The following SEMA3B variants were observed in gnomAD, a reference collection of about 807,000 sequenced individuals.
The protein encoded by SEMA3B is semaphorin-3B.
Under a neutral mutation model 77.8 loss-of-function variants are expected in SEMA3B, and 71 were observed. The ratio of observed to expected loss-of-function variants is 0.91; its 90% confidence interval spans 0.75 to 1.11. The LOEUF is 1.11. Among genes scored for constraint, SEMA3B ranks in the 50% most tolerant of loss-of-function variants. SEMA3B has a pLI of 0.00. For missense variants in SEMA3B, 968 were observed against 1,056.8 expected (o/e 0.92, Z 1.17); for synonymous variants, 470 against 452.9 (o/e 1.04, Z -0.48).
chr3:50,273,450 A>G lies in SEMA3B; in HGVS notation c.810+7A>G, dbSNP rs1553705774. 3.7e-6 allele frequency: 6 copies of G among 1,612,752 alleles called. No homozygotes were observed. In the South Asian group the frequency reaches 6.6e-5, roughly 18 times the overall value. On this transcript the variant is annotated splice_region_variant and intron_variant, in intron 7 of 16. Transcript: ENST00000616701. The surrounding 1 kb of genome is among the most constrained non-coding windows in gnomAD (Gnocchi z 6.5). ...CGTTGGCCAGATCTGCCGGGTGAGG[A>G]GTCCCTGGGCCACACCCGGCGACCC...
At chr3:50,272,452 T>C (rs1553705514) in intron 6 of SEMA3B, among the ~76,000 whole-genome samples, 1 of 152,116 alleles carries the variant, frequency 6.6e-6, no homozygotes, top group Admixed American at 6.6e-5. Context: ...GGTGTGCACC[T>C]GTAATCCCAG....
chr3:50,273,444 G>A lies in SEMA3B; in HGVS notation c.810+1G>A. On this transcript the variant is annotated splice_donor_variant, in intron 7 of 16. Transcript: ENST00000616701. LOFTEE classifies it high-confidence loss of function. This position sits in a 1 kb window ranked among gnomAD's most constrained non-coding sequence, Gnocchi z 6.5. ...GTCCCGCGTTGGCCAGATCTGCCGG[G>A]TGAGGAGTCCCTGGGCCACACCCGG... 6.2e-7 allele frequency: 1 copy of A among 1,613,240 alleles called. No homozygotes were observed. Among genetic ancestry groups the A allele is most frequent in the South Asian group, 1.1e-5 (1 of 91,062 alleles).
At position 50,277,271 on chromosome 3, in the gene SEMA3B, G is replaced by C. The variant is rs1701289676; in HGVS notation, c.*565G>C. On this transcript the variant is annotated 3_prime_UTR_variant, in exon 17 of 17. Coordinates refer to ENST00000616701, the MANE Select transcript of SEMA3B (RefSeq NM_001290060.2). ...CCTGGTGAGGATTAAAGGTGGTTCC[G>C]GCCAGGCGCGGTGGCTCACGCCTGT... 6.6e-6 allele frequency: 1 copy of C among 152,594 alleles called. No homozygotes were observed. The highest frequency in any genetic ancestry group is 2.4e-5 in the African/African-American group (1 of 41,416). The allele number at this position is 152,594 out of a possible 1,614,324, so 9.5% of individuals were successfully genotyped here. A position where few individuals can be genotyped will look rare whatever the true frequency, so the allele number is the denominator to read the frequency against.
chr3:50,276,794 C>T lies in SEMA3B; in HGVS notation c.*88C>T. 1 of 1,383,734 alleles carries T rather than the reference C, an allele frequency of 7.2e-7. No individual in the cohort carries two copies. The highest frequency in any genetic ancestry group is 2.8e-5 in the East Asian group (1 of 35,186). 85.7% of individuals were successfully genotyped at this position (1,383,734 alleles called of 1,614,324 possible). ...CCCTGAAAAGAAGGACGGGTTGGGG[C>T]CGGGCACATTGGGGGTCACCGGCCG... On this transcript the variant is annotated 3_prime_UTR_variant, in exon 17 of 17. Transcript: ENST00000616701. This position sits in a 1 kb window ranked among gnomAD's most constrained non-coding sequence, Gnocchi z 5.8.
At position 50,270,548 on chromosome 3, in the gene SEMA3B, G is replaced by A. The variant is rs918392992; in HGVS notation, c.330+53G>A. The A allele has an allele frequency of 3.0e-5, 49 of 1,610,320 alleles. No individual in the cohort carries two copies. Among genetic ancestry groups the A allele is most frequent in the Non-Finnish European group, 3.7e-5 (44 of 1,178,412 alleles). ...TGGGGAGGGTCAGCCCCTCACCCCA[G>A]AGACAGGGCAGGGCTAAAACAGAGG... On this transcript the variant is annotated intron_variant, in intron 3 of 16. Transcript: ENST00000616701. This position sits in a 1 kb window ranked among gnomAD's most constrained non-coding sequence, Gnocchi z 4.7.
At position 50,270,401 on chromosome 3, in the gene SEMA3B, C is replaced by A. The variant is rs782004359; in HGVS notation, c.268-32C>A. On this transcript the variant is annotated intron_variant, in intron 2 of 16. Coordinates refer to ENST00000616701, the MANE Select transcript of SEMA3B (RefSeq NM_001290060.2). The surrounding 1 kb of genome is among the most constrained non-coding windows in gnomAD (Gnocchi z 4.7). The stretch of plus-strand genomic sequence containing the variant: ...GGTAGAGAATATCCCAAGTTCCTGA[C>A]CTGTGTCCCCTCTCCCCCAACCTCC... 3.1e-6 allele frequency: 5 copies of A among 1,613,682 alleles called. No homozygotes were observed. In the East Asian group the frequency reaches 1.1e-4, roughly 36 times the overall value.
chr3:50,276,920 G>A lies in SEMA3B; in HGVS notation c.*214G>A, dbSNP rs587612604. On this transcript the variant is annotated 3_prime_UTR_variant, in exon 17 of 17. Transcript: ENST00000616701. This position sits in a 1 kb window ranked among gnomAD's most constrained non-coding sequence, Gnocchi z 5.8. The stretch of plus-strand genomic sequence containing the variant: ...GTAGCAGCCCCGGGAGGGCGGCACA[G>A]GTCGGGCGCAGGATTCAGCCGGAGG... The A allele has an allele frequency of 1.9e-6, 1 of 539,152 alleles. No homozygotes were observed. The highest frequency in any genetic ancestry group is 4.2e-5 in the Admixed American group (1 of 24,054). 33.4% of individuals were successfully genotyped at this position (539,152 alleles called of 1,614,324 possible).
At chr3:50,264,866 G>T (rs587637795), upstream of SEMA3B, among the ~76,000 whole-genome samples, 1 of 152,296 alleles carries the variant, frequency 6.6e-6, no homozygotes, top group South Asian at 2.1e-4. Context: ...GGTTGGGGGG[G>T]CTCCCGCATC....
Position 50,274,466 on chromosome 3 carries a change from C to T in SEMA3B, c.1241C>T (p.Pro414Leu), listed in dbSNP as rs1553706107. Residue 414 changes from proline to leucine, a missense_variant, in exon 11 of 17, where the codon CCC (proline) becomes CTC (leucine). Physicochemically the swap from Pro to Leu is moderately conservative, Grantham distance 98 (BLOSUM62 -3). Coordinates refer to ENST00000616701, the MANE Select transcript of SEMA3B (RefSeq NM_001290060.2). This position sits in a 1 kb window ranked among gnomAD's most constrained non-coding sequence, Gnocchi z 4.7. ...CCCCTCATGTACAACTCTGTCCTGCCCACTGGGGGGCGCCCTCTTTTCCTA... is the reference window on the plus strand; with the variant it reads ...CCCCTCATGTACAACTCTGTCCTGCTCACTGGGGGGCGCCCTCTTTTCCTA... ...NHPLMYNSVLPTGGRPLFLQV... is the reference protein window; with the variant it reads ...NHPLMYNSVLLTGGRPLFLQV... 1 of 1,549,472 alleles carries T rather than the reference C, an allele frequency of 6.5e-7. No homozygotes were observed. The highest frequency in any genetic ancestry group is 1.4e-5 in the African/African-American group (1 of 72,556).
At chr3:50,271,729 G>A (rs1013217321) in intron 6 of SEMA3B, among the ~76,000 whole-genome samples, 5 of 152,336 alleles carry the variant, frequency 3.3e-5, no homozygotes, top group Non-Finnish European at 7.3e-5. Flanking sequence ...GGGAGGAAGG[G>A]AAAAGGAGAC....
chr3:50,268,455 A>G (rs1464302074), upstream of SEMA3B, among the ~76,000 whole-genome samples: 1 of 152,230 alleles, frequency 6.6e-6, no homozygotes, highest in Non-Finnish European at 1.5e-5. Flanking sequence ...CACATATCAC[A>G]CATATGTACT....
chr3:50,269,211 G>A lies in SEMA3B; in HGVS notation c.-30G>A, dbSNP rs1028017579. 6.0e-5 allele frequency: 90 copies of A among 1,489,250 alleles called. No individual in the cohort carries two copies. Among genetic ancestry groups the A allele is most frequent in the East Asian group, 2.2e-4 (9 of 40,702 alleles). The allele number at this position is 1,489,250 out of a possible 1,614,324, so 92.3% of individuals were successfully genotyped here. On this transcript the variant is annotated 5_prime_UTR_variant, in exon 1 of 17. Transcript: ENST00000616701. The surrounding 1 kb of genome is among the most constrained non-coding windows in gnomAD (Gnocchi z 4.0). ...TCAAGGCTCCTCCACACACACACCCGCTGAACCCTGAGCACCCTGAGCTGC... is the reference window on the plus strand; with the variant it reads ...TCAAGGCTCCTCCACACACACACCCACTGAACCCTGAGCACCCTGAGCTGC...
rs782702790 is a variant in SEMA3B, at chr3:50,269,590, G to C, written c.109+241G>C. On this transcript the variant is annotated intron_variant, in intron 1 of 16. Transcript: ENST00000616701. This position sits in a 1 kb window ranked among gnomAD's most constrained non-coding sequence, Gnocchi z 4.0. ...GACCCCTCCTGTCCCCACAGCAACA[G>C]ACCTTGTCTCTGTTCCGTTCAGTAC... 1.3e-5 allele frequency among the ~76,000 whole-genome samples: 2 copies of C among 152,168 alleles called. No individual in the cohort carries two copies. The highest frequency in any genetic ancestry group is 2.4e-5 in the African/African-American group (1 of 41,432).
At chr3:50,267,949 G>T (rs1553704729), upstream of SEMA3B, among the ~76,000 whole-genome samples, 1 of 152,146 alleles carries the variant, frequency 6.6e-6, no homozygotes, top group East Asian at 1.9e-4. The surrounding 1 kb of genome is among the most constrained non-coding windows in gnomAD (Gnocchi z 5.7). Flanking sequence ...CTGCCCAGCT[G>T]ACCCCTGGGA....
rs1701046888 is a variant in SEMA3B, at chr3:50,271,363, G to A, written c.547G>A (p.Glu183Lys). The A allele has an allele frequency of 9.5e-6, 15 of 1,574,806 alleles. No homozygotes were observed. The highest frequency in any genetic ancestry group is 1.3e-5 in the Non-Finnish European group (15 of 1,160,376). Residue 183 changes from glutamate (E) to lysine (K), a missense_variant and splice_region_variant, in exon 6 of 17, where the codon GAG becomes AAG. By Grantham distance (56) the Glu-to-Lys change is moderately conservative. Transcript: ENST00000616701. ...RHRAASVLVG[E>K]ELYSGVAADL... Reference sequence around the variant, plus strand: ...AGTGGCCCTTGCTCTGTCTGCAGGGGAGGAGCTATACTCAGGGGTGGCAGC... The same window carrying A: ...AGTGGCCCTTGCTCTGTCTGCAGGGAAGGAGCTATACTCAGGGGTGGCAGC...
chr3:50,268,046 T>C (rs1700946083), upstream of SEMA3B, among the ~76,000 whole-genome samples: 1 of 151,592 alleles, frequency 6.6e-6, no homozygotes, highest in African/African-American at 2.4e-5. Flanking sequence ...GGCTCAAAGA[T>C]GGGGAAGAAC....
rs1559791144 is a variant in SEMA3B, at chr3:50,275,692, T to G, written c.1706-13T>G. The stretch of plus-strand genomic sequence containing the variant: ...CCTGCCTTGCCTAAATCTGACTTTC[T>G]TCTCGCCCCAAGACTCGTCTCGTCC... On this transcript the variant is annotated splice_polypyrimidine_tract_variant and intron_variant, in intron 15 of 16. Coordinates refer to ENST00000616701, the MANE Select transcript of SEMA3B (RefSeq NM_001290060.2). This position sits in a 1 kb window ranked among gnomAD's most constrained non-coding sequence, Gnocchi z 7.5. 1 of 1,612,194 alleles carries G rather than the reference T, an allele frequency of 6.2e-7. No individual in the cohort carries two copies. The highest frequency in any genetic ancestry group is 1.7e-5 in the Admixed American group (1 of 59,966).
chr3:50,273,862 G>C lies in SEMA3B; in HGVS notation c.992+34G>C. 8.3e-6 allele frequency: 13 copies of C among 1,566,870 alleles called. No homozygotes were observed. Among genetic ancestry groups the C allele is most frequent in the Non-Finnish European group, 1.1e-5 (13 of 1,154,274 alleles). ...CAGGAGGTAGGGAGCGCCCGGGGCG[G>C]GCCGCTGGGCTCCACCCGGCCCCTC... On this transcript the variant is annotated intron_variant, in intron 9 of 16. Transcript: ENST00000616701. The surrounding 1 kb of genome is among the most constrained non-coding windows in gnomAD (Gnocchi z 6.5).
At position 50,270,811 on chromosome 3, in the gene SEMA3B, G is replaced by T. The variant is rs1701026406; in HGVS notation, c.331-79G>T. The T allele has an allele frequency of 6.5e-7, 1 of 1,538,658 alleles. No individual in the cohort carries two copies. The highest frequency in any genetic ancestry group is 8.8e-7 in the Non-Finnish European group (1 of 1,138,280). On this transcript the variant is annotated intron_variant, in intron 3 of 16. Transcript: ENST00000616701. This position sits in a 1 kb window ranked among gnomAD's most constrained non-coding sequence, Gnocchi z 4.7. ...CTGGGCTGATGCCGAAGAGAGGGAG[G>T]GGTGAGGATGCCACTGGTGAGCTGG...
Sources: allele counts gnomAD v4.1 joint callset (sites outside exome capture counted in the v4.1 genomes callset), GRCh38; gene constraint gnomAD v4.1.1; non-coding constraint Gnocchi (gnomAD v3.1); transcripts MANE v1.5; gene names NCBI Gene and HGNC (gene_info 2026-07-23, HGNC 2026-07-21).